LRP1B: variants seen among roughly 807,000 people sequenced by gnomAD.
The protein encoded by LRP1B is LDL receptor related protein 1B.
LRP1B carries 217 observed loss-of-function variants against 556.6 expected under a neutral mutation model. The ratio of observed to expected loss-of-function variants is 0.39; its 90% CI spans 0.35 to 0.44. The LOEUF is 0.44. Ranked by LOEUF, LRP1B falls within the 20% of genes least tolerant of loss-of-function variation. LRP1B has a pLI of 1.00. For synonymous variants in LRP1B, 2,047 were observed against 1,865.8 expected (o/e 1.10, Z -2.50); for missense variants, 5,053 against 5,620.8 (o/e 0.90, Z 3.23).
chr2:141,573,867 G>A (rs1003369954), intron 2 of LRP1B, among the ~76,000 whole-genome samples: 1 of 152,008 alleles, frequency 6.6e-6, no homozygotes, highest in African/African-American at 2.4e-5. Context: ...TGAATTGCTG[G>A]ACAAATACAC....
At chr2:140,902,773 A>G in intron 23 of LRP1B, 147 bp downstream of exon 23, 2 of 745,752 alleles carry the variant, frequency 2.7e-6, no homozygotes, top group Non-Finnish European at 4.2e-6. Flanking sequence ...TAGAAATTTT[A>G]TAGTAGGTCT....
intron 2 of LRP1B, among the ~76,000 whole-genome samples, chr2:141,510,330 C>T (rs541818800): frequency 6.6e-6 from 1 of 151,666 alleles, no homozygotes; most frequent in South Asian, 2.1e-4. Flanking sequence ...CATTACTATT[C>T]CTAAAACCCT....
At chr2:141,304,877 T>C (rs866324818) in intron 3 of LRP1B, among the ~76,000 whole-genome samples, 3 of 152,270 alleles carry the variant, frequency 2.0e-5, no homozygotes, top group African/African-American at 7.2e-5. Context: ...CCTTGATGTT[T>C]CTTCTTAGCA....
intron 41 of LRP1B, among the ~76,000 whole-genome samples, chr2:140,662,065 T>A (rs1685117104): frequency 6.6e-6 from 1 of 152,032 alleles, no homozygotes; most frequent in Admixed American, 6.6e-5. Flanking sequence ...CATATGGAAA[T>A]ATTTAGATTA....
chr2:142,024,927 T>A (rs2105183921), intron 1 of LRP1B, among the ~76,000 whole-genome samples: 1 of 152,120 alleles, frequency 6.6e-6, no homozygotes, highest in African/African-American at 2.4e-5. Flanking sequence ...AGAATACAAA[T>A]AAATAGTGTT....
chr2:140,782,303 GA>G (rs1158427937), intron 32 of LRP1B, among the ~76,000 whole-genome samples: 4 of 152,142 alleles, frequency 2.6e-5, no homozygotes, highest in African/African-American at 9.7e-5. Context: ...TGTATTTAGA[GA>G]AAGAGTCTTT....
At chr2:141,254,687 T>A (rs763800001) in intron 3 of LRP1B, 46 bp from the exon 4 acceptor site, 11 of 1,436,082 alleles carry the variant, frequency 7.7e-6, no homozygotes, top group Admixed American at 5.7e-5. Flanking sequence ...ACTGTATATG[T>A]AAATAGTTTG....
chr2:141,751,502 G>A (rs1038948019), intron 2 of LRP1B, among the ~76,000 whole-genome samples: 13 of 152,032 alleles, frequency 8.6e-5, no homozygotes, highest in Admixed American at 7.2e-4. Context: ...ATATCTCCAA[G>A]GCCTGGAGGT....
rs1680479679 is a variant in LRP1B, at chr2:141,171,060, GAGTA to G, written c.1013+17357_1013+17360del. Among the ~76,000 whole-genome samples, 6 of 152,112 alleles carry G rather than the reference GAGTA, an allele frequency of 3.9e-5. No individual in the cohort carries two copies. The South Asian group carries it at 1.2e-3, about 32-fold the overall frequency. The stretch of plus-strand genomic sequence containing the variant: ...GGCAGTTTTATGTTTATGGGAAATT[GAGTA>G]GATGATATAGGGAATTCCCATATAC... On this transcript the variant is annotated intron_variant, in intron 7 of 90. Coordinates refer to ENST00000389484, the MANE Select transcript of LRP1B (RefSeq NM_018557.3).
At chr2:141,718,090 G>A (rs915042456) in intron 2 of LRP1B, among the ~76,000 whole-genome samples, 5 of 152,166 alleles carry the variant, frequency 3.3e-5, no homozygotes, top group African/African-American at 9.7e-5. Context: ...CACAAATCCA[G>A]CTATGCATTT....
intron 1 of LRP1B, among the ~76,000 whole-genome samples, chr2:142,126,941 A>C (rs1027785824): frequency 9.2e-5 from 14 of 151,806 alleles, no homozygotes; most frequent in Non-Finnish European, 1.8e-4. Context: ...CAAGAAACTA[A>C]TGTCCTGGAT....
At chr2:140,532,420 T>A (rs1441774481) in intron 47 of LRP1B, among the ~76,000 whole-genome samples, 1 of 151,682 alleles carries the variant, frequency 6.6e-6, no homozygotes, top group African/African-American at 2.4e-5. Flanking sequence ...GTGGGGGGTA[T>A]GGAGTCTCAC....
intron 1 of LRP1B, among the ~76,000 whole-genome samples, chr2:141,998,783 C>G (rs1488214418): frequency 6.6e-6 from 1 of 152,154 alleles, no homozygotes; most frequent in Admixed American, 6.6e-5. Context: ...GATTCAAAGA[C>G]TGAAGACCTG....
rs553704747 is a variant in LRP1B, at chr2:141,021,715, CTT to C, written c.1790-1615_1790-1614del. Among the ~76,000 whole-genome samples, 116 of 152,006 alleles carry C rather than the reference CTT, an allele frequency of 7.6e-4. 1 individual carries two copies. The highest frequency in any genetic ancestry group is 2.7e-3 in the African/African-American group (113 of 41,524). The stretch of plus-strand genomic sequence containing the variant: ...TTTCCTTTTAACATATGACTTGAGA[CTT>C]ATTTTTTTCATATGAAGCAGTTACA... On this transcript the variant is annotated intron_variant, in intron 11 of 90. Coordinates refer to ENST00000389484, the MANE Select transcript of LRP1B (RefSeq NM_018557.3).
intron 2 of LRP1B, among the ~76,000 whole-genome samples, chr2:141,517,060 A>G (rs1277999064): frequency 2.7e-5 from 4 of 147,828 alleles, no homozygotes; most frequent in Admixed American, 6.9e-5. Context: ...TTTAATTATT[A>G]TTTTCTTAAG....
At chr2:140,635,321 T>C (rs2105285900) in intron 41 of LRP1B, among the ~76,000 whole-genome samples, 1 of 152,146 alleles carries the variant, frequency 6.6e-6, no homozygotes, top group East Asian at 1.9e-4. Context: ...GTTTTTATTA[T>C]AGCCAAAAAG....
intron 18 of LRP1B, among the ~76,000 whole-genome samples, chr2:140,975,039 G>C (rs914017841): frequency 1.3e-5 from 2 of 152,152 alleles, no homozygotes; most frequent in Non-Finnish European, 2.9e-5. Context: ...AGAGCAGCCT[G>C]CTCACAACAT....
chr2:141,516,659 C>T (rs1049378422), intron 2 of LRP1B, among the ~76,000 whole-genome samples: 7 of 150,528 alleles, frequency 4.7e-5, no homozygotes, highest in Non-Finnish European at 5.9e-5. Flanking sequence ...AGTATTCCAC[C>T]GGAGTAAGGA....
At chr2:140,444,239 A>G in intron 65 of LRP1B, 91 bp downstream of exon 65, 1 of 1,337,042 alleles carries the variant, frequency 7.5e-7, no homozygotes, top group Non-Finnish European at 1.0e-6. Context: ...ATTTATCTAC[A>G]TCATATGAAT....
Sources: allele counts gnomAD v4.1 joint callset (sites outside exome capture counted in the v4.1 genomes callset), GRCh38; gene constraint gnomAD v4.1.1; transcripts MANE v1.5; gene names NCBI Gene and HGNC (gene_info 2026-07-23, HGNC 2026-07-21).